SEL1L: variants seen among roughly 807,000 people sequenced by gnomAD.
SEL1L encodes the protein SEL1L adaptor subunit of SYVN1 ubiquitin ligase.
A neutral mutation model predicts 109.8 loss-of-function variants in SEL1L; 52 were observed. The ratio of observed to expected loss-of-function variants is 0.47; its 90% CI spans 0.38 to 0.60. The LOEUF is 0.60. Ranked by LOEUF, SEL1L falls within the 20% of genes least tolerant of loss-of-function variation. The probability of loss-of-function intolerance (pLI) is 0.00; values close to 1 mark genes in which losing one functional copy is unlikely to be tolerated. For synonymous variants in SEL1L, 373 were observed against 339.6 expected, an observed-to-expected ratio of 1.10 and a Z score of -1.08; for missense variants, 749 against 962.2, an observed-to-expected ratio of 0.78 and a Z score of 2.93.
chr14:81,500,764 AG>A (rs71932137), intron 6 of SEL1L, among the ~76,000 whole-genome samples: 11,799 of 152,172 alleles, frequency 0.078, 1,438 homozygotes, highest in African/African-American at 0.26. Context: ...AGATATAAAA[AG>A]GAGGAGCAAG....
Position 81,487,886 on chromosome 14 carries a change from A to G in SEL1L, c.1452T>C (p.Asp484=). The G allele has an allele frequency of 6.2e-7, 1 of 1,614,040 alleles. No homozygotes were observed. Among genetic ancestry groups the G allele is most frequent in the Non-Finnish European group, 8.5e-7 (1 of 1,179,942 alleles). The change falls in exon 15 of 21, where the codon GAT becomes GAC. Residue 484 remains aspartate, a synonymous_variant. Transcript: ENST00000336735. ...ACATGGAACCAAGCTGTAGCTGCCCATCCACCCAGCCTTGTTCAGCAGCTT... is the reference window on the plus strand; with the variant it reads ...ACATGGAACCAAGCTGTAGCTGCCCGTCCACCCAGCCTTGTTCAGCAGCTT... The part of the protein sequence containing the change: ...FQKAAEQGWV[D]GQLQLGSMYY...
intron 1 of SEL1L, among the ~76,000 whole-genome samples, chr14:81,530,269 C>T (rs1204308126): frequency 6.6e-6 from 1 of 152,204 alleles, no homozygotes; most frequent in Non-Finnish European, 1.5e-5. Flanking sequence ...AAGATACTCT[C>T]GATTCTAAAT....
At chr14:81,484,695 A>T (rs1325952941) in intron 18 of SEL1L, among the ~76,000 whole-genome samples, 1 of 152,226 alleles carries the variant, frequency 6.6e-6, no homozygotes, top group Non-Finnish European at 1.5e-5. Flanking sequence ...AATGCTCCAA[A>T]ACCTGAAATG....
intron 11 of SEL1L, among the ~76,000 whole-genome samples, chr14:81,494,872 G>GCCAC (rs1883680826): frequency 6.6e-6 from 1 of 152,170 alleles, no homozygotes; most frequent in South Asian, 2.1e-4. Context: ...ATATTGCATG[G>GCCAC]TGAATGCCTA....
chr14:81,526,735 G>C lies in SEL1L; in HGVS notation c.338C>G (p.Pro113Arg), dbSNP rs1160316779. The change falls in exon 3 of 21, where the codon CCA (proline) becomes CGA (arginine). Residue 113 changes from proline to arginine, a missense_variant and splice_region_variant. Pro to Arg is a moderately radical substitution (Grantham distance 103). Transcript: ENST00000336735. ...AGCAAGGAAAATGTCCAGACTACCT[G>C]GTTTCCGTACTTTCTTTGGCTCTTC... ...DYEEPKKVRK[P>R]ALTAIEGTAH... 6.2e-7 allele frequency: 1 copy of C among 1,610,702 alleles called. No individual in the cohort carries two copies. The highest frequency in any genetic ancestry group is 1.3e-5 in the African/African-American group (1 of 74,728).
intron 17 of SEL1L, 103 bp downstream of exon 17, chr14:81,486,186 T>G (rs1566971299): frequency 1.8e-6 from 2 of 1,119,148 alleles, no homozygotes; most frequent in Non-Finnish European, 2.6e-6. Flanking sequence ...GTTACAATAA[T>G]AAAGAATGTT....
chr14:81,512,153 T>C (rs1884505557), intron 3 of SEL1L, among the ~76,000 whole-genome samples: 1 of 150,718 alleles, frequency 6.6e-6, no homozygotes, highest in African/African-American at 2.5e-5. Context: ...TGGATGAAAT[T>C]ATTTAAATTG....
intron 3 of SEL1L, among the ~76,000 whole-genome samples, chr14:81,507,290 C>G (rs1884278103): frequency 6.6e-6 from 1 of 152,074 alleles, no homozygotes; most frequent in Non-Finnish European, 1.5e-5. Flanking sequence ...AGGCTGGATG[C>G]AAGGTGACCA....
chr14:81,533,637 A>T (rs757730238), intron 1 of SEL1L, 38 bp downstream of exon 1: 1 of 1,596,266 alleles, frequency 6.3e-7, no homozygotes, highest in Admixed American at 1.7e-5. Context: ...TGGGGGGCGG[A>T]GGCTCTGGGC....
In SEL1L at chr14:81,489,329, A is replaced by C; in HGVS notation, c.1333-15T>G. On this transcript the variant is annotated splice_polypyrimidine_tract_variant and intron_variant, in intron 13 of 20. Transcript: ENST00000336735. Reference sequence around the variant, plus strand: ...ACTGGGTTGCCCTGCAAAGCAGAGAAATCAGACAAAAGAGTGAAAAGAATT... The same window carrying C: ...ACTGGGTTGCCCTGCAAAGCAGAGACATCAGACAAAAGAGTGAAAAGAATT... 4 of 1,609,696 alleles carry C rather than the reference A, an allele frequency of 2.5e-6. No homozygotes were observed. Among genetic ancestry groups the C allele is most frequent in the Non-Finnish European group, 2.5e-6 (3 of 1,176,560 alleles).
intron 20 of SEL1L, among the ~76,000 whole-genome samples, chr14:81,478,393 G>GT (rs1367993362): frequency 6.6e-6 from 1 of 151,778 alleles, no homozygotes; most frequent in Non-Finnish European, 1.5e-5. Context: ...ATTATGGGGC[G>GT]TTTTTACTGT....
At chr14:81,505,132 A>G (rs1206891453) in intron 4 of SEL1L, among the ~76,000 whole-genome samples, 1 of 152,256 alleles carries the variant, frequency 6.6e-6, no homozygotes, top group Non-Finnish European at 1.5e-5. Flanking sequence ...ATCAAAGGAC[A>G]CTTTAGCTCT....
rs746308578 is a variant in SEL1L at position 81,484,204 on chromosome 14, G to A, written c.2046+21C>T. On this transcript the variant is annotated intron_variant, in intron 19 of 20. Coordinates refer to ENST00000336735, the MANE Select transcript of SEL1L (RefSeq NM_005065.6). ...CCAATCACAATTATGTGATTCAAAC[G>A]TGTTTGGAAGCCACACTCACCTGTT... The A allele has an allele frequency of 5.1e-6, 8 of 1,582,416 alleles. No individual in the cohort carries two copies. The East Asian group carries it at 1.6e-4, about 31-fold the overall frequency.
chr14:81,516,998 G>A (rs1884726668), intron 3 of SEL1L, among the ~76,000 whole-genome samples: 1 of 152,172 alleles, frequency 6.6e-6, no homozygotes, highest in East Asian at 1.9e-4. Context: ...CCTGGGGATG[G>A]TTTAGGGGTT....
intron 20 of SEL1L, among the ~76,000 whole-genome samples, chr14:81,479,047 AT>A (rs1884186498): frequency 6.6e-6 from 1 of 152,228 alleles, no homozygotes; most frequent in African/African-American, 2.4e-5. Flanking sequence ...GAGTACCTAC[AT>A]ACCAGTATTG....
intron 10 of SEL1L, among the ~76,000 whole-genome samples, chr14:81,497,274 G>A (rs1426328006): frequency 6.6e-6 from 1 of 151,706 alleles, no homozygotes; most frequent in Non-Finnish European, 1.5e-5. Flanking sequence ...ATCTGTACAT[G>A]TCCTAAATTA....
At chr14:81,495,006 C>A in intron 11 of SEL1L, 75 bp downstream of exon 11, 1 of 1,439,404 alleles carries the variant, frequency 6.9e-7, no homozygotes, top group Non-Finnish European at 9.6e-7. Context: ...CTGGTATTGA[C>A]TTAGCAAGAA....
At chr14:81,499,230 A>C in intron 8 of SEL1L, 1 of 1,216,956 alleles carries the variant, frequency 8.2e-7, no homozygotes, top group South Asian at 4.1e-5. Context: ...TTTAGGGGCA[A>C]TCAGCCAAAC....
rs553608116 is a variant in SEL1L at position 81,479,626 on chromosome 14, T to C, written c.2161A>G (p.Ile721Val). 1.9e-6 allele frequency: 3 copies of C among 1,612,624 alleles called. No homozygotes were observed. The highest frequency in any genetic ancestry group is 1.1e-5 in the South Asian group (1 of 90,770). Residue 721 changes from isoleucine (I) to valine (V), a missense_variant, in exon 20 of 21, where the codon ATA becomes GTA. Ile to Val is a conservative substitution (Grantham distance 29). Around this residue, in one of 2 missense-constraint regions of SEL1L, gnomAD observed 383 missense variants for 562.5 expected, o/e 0.68. Transcript: ENST00000336735. ...KLGVVYFLQY[I>V]RETNIRDMFT... is the part of the protein sequence containing the mutation. The stretch of plus-strand genomic sequence containing the variant: ...GGACCACTTACGTTTGTTTCCCGTA[T>C]GTACTGCAAGAAATAGACGACGCCC...
Sources: allele counts gnomAD v4.1 joint callset (sites outside exome capture counted in the v4.1 genomes callset), GRCh38; gene constraint gnomAD v4.1.1; regional missense constraint gnomAD v4.1.1; transcripts MANE v1.5; gene names NCBI Gene and HGNC (gene_info 2026-07-23, HGNC 2026-07-21).